ASH1L: variants seen among roughly 807,000 people sequenced by gnomAD.
ASH1L encodes histone-lysine N-methyltransferase ASH1L.
A neutral mutation model predicts 269.0 loss-of-function variants in ASH1L; 23 were observed. The observed-to-expected ratio is 0.09, with a 90% CI of 0.06 to 0.12. The LOEUF (loss-of-function observed/expected upper bound fraction) is 0.12, where lower values mean the gene tolerates loss of function less well. Among genes scored for constraint, ASH1L ranks in the 10% least tolerant of loss-of-function variants. The pLI is 1.00. For missense variants in ASH1L, 2,912 were observed against 3,567.8 expected (o/e 0.82, Z 4.68); for synonymous variants, 1,187 against 1,253.5 (o/e 0.95, Z 1.12).
chr1:155,525,628 C>T (rs762570872), intron 1 of ASH1L, among the ~76,000 whole-genome samples: 7 of 151,874 alleles, frequency 4.6e-5, no homozygotes, highest in Non-Finnish European at 7.4e-5. Flanking sequence ...AAAAAACTTA[C>T]GGCACCAACA....
At chr1:155,498,284 T>TA (rs934863622) in intron 2 of ASH1L, among the ~76,000 whole-genome samples, 9 of 150,620 alleles carry the variant, frequency 6.0e-5, no homozygotes, top group Admixed American at 2.0e-4. Flanking sequence ...TGCAGAAGAT[T>TA]AAAAAAAAAC....
At chr1:155,532,496 C>A (rs961138347) in intron 1 of ASH1L, among the ~76,000 whole-genome samples, 1 of 152,114 alleles carries the variant, frequency 6.6e-6, no homozygotes, top group Admixed American at 6.6e-5. Context: ...AACAGTGGAT[C>A]TGATAAAAAT....
chr1:155,403,076 T>C (rs1308139494), intron 6 of ASH1L, among the ~76,000 whole-genome samples: 1 of 151,336 alleles, frequency 6.6e-6, no homozygotes, highest in African/African-American at 2.4e-5. Context: ...TCCCAGCTAC[T>C]TGGGAGGCTG....
rs1293752583 is a variant in ASH1L, at chr1:155,349,368, C to T, written c.7513G>A (p.Ala2505Thr). The T allele has an allele frequency of 6.2e-7, 1 of 1,613,894 alleles. No homozygotes were observed. Among genetic ancestry groups the T allele is most frequent in the African/African-American group, 1.3e-5 (1 of 74,908 alleles). The change falls in exon 19 of 28, where the codon GCT becomes ACT. Residue 2505 changes from alanine to threonine, a missense_variant. Transcript: ENST00000392403. ...ILTGYYKTVE[A>T]FDADMLKVFR... is the part of the protein sequence containing the mutation. ...ACTTTGAGCATGTCAGCATCAAAAG[C>T]TTCCACTGTCTTATAGTAACCAGTG...
rs760391844 is a variant in ASH1L at position 155,482,291 on chromosome 1, T to C, written c.579A>G (p.Pro193=). 6.2e-7 allele frequency: 1 copy of C among 1,614,152 alleles called. No homozygotes were observed. Among genetic ancestry groups the C allele is most frequent in the Admixed American group, 1.7e-5 (1 of 60,028 alleles). ...GATCCCGGCTACCAAGAAGAGTAGA[T>C]GGCGTTGCATTAATATAATCTGCCA... ...SEMADYINAT[P]STLLGSRDPD... The change falls in exon 3 of 28, where the codon CCA becomes CCG. Residue 193 remains proline, a synonymous_variant. Transcript: ENST00000392403.
chr1:155,407,848 TG>T (rs1160588944), intron 6 of ASH1L, among the ~76,000 whole-genome samples: 1 of 151,706 alleles, frequency 6.6e-6, no homozygotes, highest in Non-Finnish European at 1.5e-5. Context: ...TATCCAGGAC[TG>T]GTTAAAAAAA....
chr1:155,356,503 C>A (rs913661737), intron 15 of ASH1L, among the ~76,000 whole-genome samples: 20 of 151,804 alleles, frequency 1.3e-4, no homozygotes, highest in Admixed American at 8.5e-4. Flanking sequence ...GGCGTGGTGG[C>A]ACGTGCCTGT....
chr1:155,360,644 A>C (rs1654863132), intron 12 of ASH1L, among the ~76,000 whole-genome samples: 1 of 151,026 alleles, frequency 6.6e-6, no homozygotes, highest in South Asian at 2.1e-4. Context: ...GGGTTTCACC[A>C]TGTTGGCCAG....
chr1:155,434,503 TAAAAAAAA>T, intron 5 of ASH1L, among the ~76,000 whole-genome samples: 1 of 70,220 alleles, frequency 1.4e-5, no homozygotes, highest in South Asian at 4.0e-4. Context: ...TGGGACACAG[TAAAAAAAA>T]AAAAAAAAAA....
At chr1:155,386,461 C>G (rs1033450058) in intron 7 of ASH1L, among the ~76,000 whole-genome samples, 1 of 152,094 alleles carries the variant, frequency 6.6e-6, no homozygotes, top group Non-Finnish European at 1.5e-5. Context: ...GTTCTCAGCT[C>G]ATTGCAACCT....
intron 2 of ASH1L, among the ~76,000 whole-genome samples, chr1:155,507,796 C>T (rs1020370518): frequency 2.6e-5 from 4 of 152,162 alleles, no homozygotes; most frequent in Non-Finnish European, 5.9e-5. Context: ...ATCACCTAAG[C>T]CCATGGGAGC....
Position 155,479,732 on chromosome 1 carries a change from A to G in ASH1L, c.3138T>C (p.Tyr1046=). Residue 1046 remains tyrosine, a synonymous_variant, in exon 3 of 28, where the codon TAT becomes TAC. Coordinates refer to ENST00000392403, the MANE Select transcript of ASH1L (RefSeq NM_018489.3). The part of the protein sequence containing the change: ...QINVSKKGTI[Y]IGKRRGRKPK... ...GTTTGCGACCTCTTCTCTTTCCTAT[A>G]TAAATGGTTCCTTTCTTGCTGACAT... 1.2e-6 allele frequency: 2 copies of G among 1,614,168 alleles called. No homozygotes were observed. The highest frequency in any genetic ancestry group is 1.7e-6 in the Non-Finnish European group (2 of 1,180,020).
intron 6 of ASH1L, among the ~76,000 whole-genome samples, chr1:155,412,200 C>G (rs1402742101): frequency 6.6e-6 from 1 of 151,468 alleles, no homozygotes; most frequent in Non-Finnish European, 1.5e-5. Flanking sequence ...CAAGATCTTG[C>G]CACTGCACCC....
intron 7 of ASH1L, among the ~76,000 whole-genome samples, chr1:155,382,439 A>T (rs1042364079): frequency 8.5e-5 from 13 of 152,188 alleles, no homozygotes; most frequent in Non-Finnish European, 1.8e-4. Flanking sequence ...TGGAGCTTGC[A>T]GTGAGCTGAG....
intron 5 of ASH1L, among the ~76,000 whole-genome samples, chr1:155,421,253 A>G (rs1166042848): frequency 1.4e-5 from 2 of 140,416 alleles, no homozygotes; most frequent in Non-Finnish European, 3.1e-5. Flanking sequence ...AAAAAAAAAA[A>G]GTTGGTGATT....
chr1:155,339,711 C>T (rs961812199), intron 25 of ASH1L, among the ~76,000 whole-genome samples: 7 of 152,100 alleles, frequency 4.6e-5, no homozygotes, highest in African/African-American at 9.7e-5. Context: ...AGCATCCTTA[C>T]GCAAACCTAG....
intron 4 of ASH1L, among the ~76,000 whole-genome samples, chr1:155,449,817 C>A (rs777657663): frequency 6.6e-6 from 1 of 151,968 alleles, no homozygotes; most frequent in Non-Finnish European, 1.5e-5. Context: ...CTGCGCCCAG[C>A]CGAGAAAAAT....
intron 1 of ASH1L, among the ~76,000 whole-genome samples, chr1:155,535,328 C>T (rs956331525): frequency 2.0e-5 from 3 of 151,654 alleles, no homozygotes; most frequent in Admixed American, 6.6e-5. Context: ...CTCTGGAGCT[C>T]AAATGATTCT....
intron 5 of ASH1L, among the ~76,000 whole-genome samples, chr1:155,431,169 T>C (rs1034298259): frequency 6.6e-5 from 10 of 151,864 alleles, no homozygotes; most frequent in Admixed American, 2.6e-4. Context: ...CAAGCCATTG[T>C]ACTCCAGCCT....
Sources: gnomAD v4.1 joint callset for allele counts (sites outside exome capture counted in the v4.1 genomes callset) on GRCh38, gnomAD v4.1.1 for gene constraint, MANE v1.5 for transcripts, NCBI Gene and HGNC (gene_info 2026-07-23, HGNC 2026-07-21) for gene names.